SLC12A7: variants seen among roughly 807,000 people sequenced by gnomAD.
SLC12A7 encodes the protein K-Cl cotransporter 4.
Under a neutral mutation model 120.6 loss-of-function variants are expected in SLC12A7, and 100 were observed. That is an observed-to-expected ratio of 0.83 (90% CI 0.71 to 0.98). The LOEUF (loss-of-function observed/expected upper bound fraction) is 0.98. Ranked by LOEUF, SLC12A7 falls within the 50% of genes least tolerant of loss-of-function variation. The pLI, the probability that SLC12A7 is intolerant of heterozygous loss-of-function variation, is 0.00. For missense variants in SLC12A7, 1,373 were observed against 1,548.1 expected, an observed-to-expected ratio of 0.89 and a Z score of 1.90; for synonymous variants, 760 against 678.0, an observed-to-expected ratio of 1.12 and a Z score of -1.88.
chr5:1,144,666 C>G, the SLC12A7 span, among the ~76,000 whole-genome samples: 2 of 152,244 alleles, frequency 1.3e-5, no homozygotes, highest in Non-Finnish European at 2.9e-5. Context: ...TTGAGTACAG[C>G]TATTTATCCA....
intron 8 of SLC12A7, among the ~76,000 whole-genome samples, chr5:1,082,763 C>T (rs1485091953): frequency 2.1e-5 from 3 of 146,300 alleles, no homozygotes; most frequent in African/African-American, 7.6e-5. Flanking sequence ...TCCAGGCTTC[C>T]CGTCTTGGGT....
chr5:1,114,741 C>T (rs1420110437), upstream of SLC12A7, among the ~76,000 whole-genome samples: 1 of 152,122 alleles, frequency 6.6e-6, no homozygotes, highest in African/African-American at 2.4e-5. Flanking sequence ...GGATCCGGGT[C>T]CAGTCCCCTG....
intron 5 of SLC12A7, among the ~76,000 whole-genome samples, 199 bp downstream of exon 5, chr5:1,088,107 A>G (rs1453915977): frequency 1.3e-5 from 2 of 152,148 alleles, no homozygotes; most frequent in African/African-American, 4.8e-5. Context: ...ACGCAGCAAA[A>G]TGGGGAAGAA....
At chr5:1,080,262 CCCCCACGCCCTCCACCCACGGCGCGGAG>C (rs1738877469) in intron 9 of SLC12A7, among the ~76,000 whole-genome samples, 1 of 3,868 alleles carries the variant, frequency 2.6e-4, no homozygotes, top group Non-Finnish European at 3.8e-3. Flanking sequence ...AGAGGCTCTG[CCCCCACGCCCTCCACCCACGGCGCGGAG>C]ACACCAGGAG....
the SLC12A7 span, among the ~76,000 whole-genome samples, chr5:1,151,072 G>T: frequency 6.6e-6 from 1 of 152,378 alleles, no homozygotes. The surrounding 1 kb of genome is among the most constrained non-coding windows in gnomAD (Gnocchi z 6.2). Context: ...CGGGGCCAGA[G>T]CCTCACTGCT....
chr5:1,088,696 AGATGC>A (rs1472950703), intron 4 of SLC12A7, among the ~76,000 whole-genome samples: 24 of 152,244 alleles, frequency 1.6e-4, no homozygotes, highest in African/African-American at 4.8e-4. Flanking sequence ...CCACTGGCTG[AGATGC>A]CTGTCCGCAG....
chr5:1,095,406 T>G (rs1211124079), intron 1 of SLC12A7, among the ~76,000 whole-genome samples: 1 of 151,934 alleles, frequency 6.6e-6, no homozygotes, highest in Non-Finnish European at 1.5e-5. Flanking sequence ...CCAGGCACGG[T>G]GAGGAGCTGA....
intron 3 of SLC12A7, among the ~76,000 whole-genome samples, chr5:1,089,571 TAAA>T (rs35078056): frequency 2.9e-4 from 33 of 112,338 alleles, no homozygotes; most frequent in East Asian, 2.8e-4. Context: ...CCCATAAAGC[TAAA>T]AAAAAAAAAA....
At chr5:1,094,286 G>A in intron 1 of SLC12A7, 38 bp from the exon 2 acceptor site, 1 of 1,516,454 alleles carries the variant, frequency 6.6e-7, no homozygotes. Flanking sequence ...AGCTTAGAAG[G>A]AACTAAAAGC....
intron 18 of SLC12A7, 129 bp from the exon 19 acceptor site, chr5:1,064,381 T>C: frequency 9.7e-7 from 1 of 1,027,508 alleles, no homozygotes; most frequent in Middle Eastern, 3.2e-4. Context: ...GCCCCCACCC[T>C]CACTCCGTCA....
rs569607073 is a variant in SLC12A7, at chr5:1,068,771, A to G, written c.2242-3293T>C. On this transcript the variant is annotated intron_variant, in intron 17 of 23. Transcript: ENST00000264930. ...CTGTGAGCTCCGTTAACGTGAGAGT[A>G]TAAGTGAGCGCAGCTCTTCCCATGG... Among the ~76,000 whole-genome samples the G allele has an allele frequency of 5.9e-5, 9 of 152,352 alleles. 2 individuals are homozygous for G. Among genetic ancestry groups the G allele is most frequent in the African/African-American group, 2.2e-4 (9 of 41,588 alleles).
chr5:1,058,896 T>A (rs1735900478), intron 21 of SLC12A7, among the ~76,000 whole-genome samples: 1 of 115,490 alleles, frequency 8.7e-6, no homozygotes, highest in African/African-American at 3.0e-5. Flanking sequence ...TCCAAACCCT[T>A]CTGCAGAGCG....
the SLC12A7 span, among the ~76,000 whole-genome samples, chr5:1,150,193 T>C: frequency 1.3e-5 from 2 of 152,212 alleles, no homozygotes; most frequent in African/African-American, 4.8e-5. Context: ...AAATGCTCTC[T>C]CCCATCCCGG....
chr5:1,085,370 A>G lies in SLC12A7; in HGVS notation c.779T>C (p.Val260Ala). Residue 260 changes from valine (V) to alanine (A), a missense_variant, in exon 7 of 24, where the codon GTG becomes GCG. Transcript: ENST00000264930. The part of the protein sequence containing the change: ...NMRVYGTCTL[V>A]LMALVVFVGV... ...CACGAAGACCACCAGGGCCATGAGC[A>G]CGAGCGTGCACGTGCCGTACACACG... The G allele has an allele frequency of 6.2e-7, 1 of 1,612,346 alleles. No individual in the cohort carries two copies. The highest frequency in any genetic ancestry group is 8.5e-7 in the Non-Finnish European group (1 of 1,179,732).
chr5:1,107,526 C>T (rs1561113750), intron 1 of SLC12A7, among the ~76,000 whole-genome samples: 2 of 152,222 alleles, frequency 1.3e-5, no homozygotes, highest in Non-Finnish European at 2.9e-5. Flanking sequence ...CTGCTTGACT[C>T]CAGCCACCAC....
rs187890112 is a variant in SLC12A7, at chr5:1,063,999, G to A, written c.2608-24C>T. Reference sequence around the variant, plus strand: ...ACCTGCAGACAGGGAGGGCATGGCTGTGGGGCCTCAGAGGAGCCCGTCCCG... The same window carrying A: ...ACCTGCAGACAGGGAGGGCATGGCTATGGGGCCTCAGAGGAGCCCGTCCCG... On this transcript the variant is annotated intron_variant, in intron 19 of 23. Coordinates refer to ENST00000264930, the MANE Select transcript of SLC12A7 (RefSeq NM_006598.3). The A allele has an allele frequency of 3.8e-4, 613 of 1,610,580 alleles. 3 individuals carry two copies. In the East Asian group the frequency reaches 0.012, roughly 31 times the overall value.
chr5:1,127,379 A>T, the SLC12A7 span, among the ~76,000 whole-genome samples: 4 of 152,230 alleles, frequency 2.6e-5, no homozygotes, highest in East Asian at 7.7e-4. Context: ...GGCCACAGAG[A>T]TGGAGGCAGA....
At chr5:1,076,043 G>C (rs1261343057) in intron 14 of SLC12A7, 95 bp downstream of exon 14, 3 of 1,035,542 alleles carry the variant, frequency 2.9e-6, no homozygotes, top group South Asian at 1.6e-5. Flanking sequence ...AGCCTGTGGG[G>C]CTCCTGACGC....
intron 20 of SLC12A7, among the ~76,000 whole-genome samples, chr5:1,060,821 G>A (rs529295266): frequency 7.9e-5 from 12 of 151,970 alleles, no homozygotes; most frequent in African/African-American, 2.9e-4. Flanking sequence ...CTATGCTCAG[G>A]GGGGCTTGGC....
Sources: allele counts gnomAD v4.1 joint callset (sites outside exome capture counted in the v4.1 genomes callset), GRCh38; gene constraint gnomAD v4.1.1; non-coding constraint Gnocchi (gnomAD v3.1); transcripts MANE v1.5; gene names NCBI Gene and HGNC (gene_info 2026-07-23, HGNC 2026-07-21).